GPC6: variants seen among roughly 807,000 people sequenced by gnomAD.
The protein encoded by GPC6 is glypican-6.
In GPC6, 14 loss-of-function variants were observed where a neutral mutation model predicts 55.2. The ratio of observed to expected loss-of-function variants is 0.25; its 90% CI spans 0.17 to 0.40. GPC6 has a LOEUF of 0.40. Ranked by LOEUF, GPC6 falls within the 10% of genes least tolerant of loss-of-function variation. The pLI is 1.00. For synonymous variants in GPC6, 278 were observed against 259.6 expected (o/e 1.07, Z -0.68); for missense variants, 641 against 708.5 (o/e 0.90, Z 1.08).
chr13:94,398,131 G>A (rs1330195358), intron 7 of GPC6, among the ~76,000 whole-genome samples: 1 of 151,734 alleles, frequency 6.6e-6, no homozygotes, highest in Non-Finnish European at 1.5e-5. Flanking sequence ...CCCAGTCTCA[G>A]GTATGTATGT....
chr13:94,341,410 C>T (rs1878027784), intron 6 of GPC6, among the ~76,000 whole-genome samples: 1 of 151,954 alleles, frequency 6.6e-6, no homozygotes, highest in South Asian at 2.1e-4. Context: ...CATGGTGAAA[C>T]CCTGTCTCTA....
chr13:93,729,586 G>T (rs1428661126), intron 2 of GPC6, among the ~76,000 whole-genome samples: 4 of 152,176 alleles, frequency 2.6e-5, no homozygotes, highest in Non-Finnish European at 5.9e-5. Flanking sequence ...AGTTGGCAGG[G>T]TTGAGGAGCA....
intron 1 of GPC6, among the ~76,000 whole-genome samples, chr13:93,482,499 TA>T (rs1879556324): frequency 1.3e-5 from 2 of 152,166 alleles, no homozygotes; most frequent in African/African-American, 4.8e-5. Flanking sequence ...TAGAGGATCC[TA>T]AAATATAGCA....
At chr13:93,652,444 C>A (rs763005563) in intron 2 of GPC6, among the ~76,000 whole-genome samples, 8 of 152,154 alleles carry the variant, frequency 5.3e-5, no homozygotes, top group Non-Finnish European at 8.8e-5. Context: ...ATAACAAGAG[C>A]ATTCCACCAA....
At chr13:94,398,422 C>A in intron 7 of GPC6, 44 bp from the exon 8 acceptor site, 1 of 1,438,298 alleles carries the variant, frequency 7.0e-7, no homozygotes, top group Non-Finnish European at 9.8e-7. Context: ...TTTACAGTTT[C>A]TGTGGCATCT....
chr13:93,567,710 A>G (rs1287343888), intron 2 of GPC6, among the ~76,000 whole-genome samples: 1 of 152,202 alleles, frequency 6.6e-6, no homozygotes, highest in Admixed American at 6.5e-5. Context: ...ATATTTCAGT[A>G]CATTGCTTCT....
Position 93,651,853 on chromosome 13 carries a change from C to T in GPC6, c.319+106432C>T, listed in dbSNP as rs577155104. 7.9e-5 allele frequency among the ~76,000 whole-genome samples: 12 copies of T among 152,230 alleles called. No homozygotes were observed. The South Asian group carries it at 1.0e-3, about 13-fold the overall frequency. On this transcript the variant is annotated intron_variant, in intron 2 of 8. Coordinates refer to ENST00000377047, the MANE Select transcript of GPC6 (RefSeq NM_005708.5). ...CACCTGGGGAGCCGTTAACAAACAC[C>T]GACGTCCATATTCCACTCCAGACCA...
intron 2 of GPC6, among the ~76,000 whole-genome samples, chr13:93,823,953 C>T (rs1887142868): frequency 6.6e-6 from 1 of 152,036 alleles, no homozygotes; most frequent in South Asian, 2.1e-4. Flanking sequence ...GCAGAAGTGG[C>T]AAATCCCAAA....
At chr13:93,546,763 A>G (rs1874810185) in intron 2 of GPC6, among the ~76,000 whole-genome samples, 1 of 152,188 alleles carries the variant, frequency 6.6e-6, no homozygotes, top group African/African-American at 2.4e-5. Context: ...TTCAAGCTAC[A>G]GCAATTTGAG....
intron 1 of GPC6, among the ~76,000 whole-genome samples, chr13:93,422,739 A>G (rs1187053551): frequency 6.6e-6 from 1 of 152,208 alleles, no homozygotes; most frequent in Non-Finnish European, 1.5e-5. Flanking sequence ...TTACAGTAGA[A>G]TAATATCACT....
At chr13:94,195,681 G>A (rs978796385) in intron 4 of GPC6, among the ~76,000 whole-genome samples, 1 of 152,228 alleles carries the variant, frequency 6.6e-6, no homozygotes, top group Non-Finnish European at 1.5e-5. Flanking sequence ...CCTGGAAGAT[G>A]TAGTAAGAGC....
chr13:94,339,851 A>G (rs1877938788), intron 6 of GPC6, among the ~76,000 whole-genome samples: 1 of 140,492 alleles, frequency 7.1e-6, no homozygotes, highest in African/African-American at 2.7e-5. Context: ...TCAACCTCCA[A>G]CTTCCGGGTT....
chr13:94,379,541 C>A (rs756177981), intron 6 of GPC6, among the ~76,000 whole-genome samples: 1 of 152,198 alleles, frequency 6.6e-6, no homozygotes, highest in African/African-American at 2.4e-5. Context: ...TCTCCCACCC[C>A]TCTTGGGACG....
At chr13:93,600,965 A>G (rs1336134244) in intron 2 of GPC6, among the ~76,000 whole-genome samples, 5 of 150,178 alleles carry the variant, frequency 3.3e-5, no homozygotes, top group Non-Finnish European at 1.5e-5. Flanking sequence ...AAAAAAAAAA[A>G]AGAAAAAAAA....
chr13:94,151,192 C>T (rs548161132), intron 4 of GPC6, among the ~76,000 whole-genome samples: 4 of 152,020 alleles, frequency 2.6e-5, no homozygotes, highest in African/African-American at 7.2e-5. Context: ...GACTTTTTTA[C>T]ACCTAGAATA....
intron 4 of GPC6, among the ~76,000 whole-genome samples, chr13:94,086,855 T>C (rs1885300886): frequency 6.6e-6 from 1 of 152,216 alleles, no homozygotes; most frequent in Non-Finnish European, 1.5e-5. Flanking sequence ...AACACAGTTT[T>C]TCTCGTGAAC....
intron 2 of GPC6, among the ~76,000 whole-genome samples, chr13:93,700,977 G>T (rs1181538362): frequency 6.6e-6 from 1 of 152,010 alleles, no homozygotes; most frequent in Non-Finnish European, 1.5e-5. Flanking sequence ...AAAGTTTTTT[G>T]CAGAGATCAA....
chr13:93,390,236 G>C (rs1027767116), intron 1 of GPC6, among the ~76,000 whole-genome samples: 1 of 151,902 alleles, frequency 6.6e-6, no homozygotes, highest in Non-Finnish European at 1.5e-5. Context: ...TTGTAGGATT[G>C]AGTAAAGATT....
At position 93,928,561 on chromosome 13, in the gene GPC6, A is replaced by G. The variant is rs189187296; in HGVS notation, c.711+98016A>G. On this transcript the variant is annotated intron_variant, in intron 3 of 8. Transcript: ENST00000377047. The stretch of plus-strand genomic sequence containing the variant: ...CTTAGCCACAGAAGTAAGGAAAATA[A>G]GGGGAAAAGACCTTCAAACCTTCAT... 4.6e-5 allele frequency among the ~76,000 whole-genome samples: 7 copies of G among 152,244 alleles called. No homozygotes were observed. In the East Asian group the frequency reaches 1.2e-3, roughly 25 times the overall value.
Sources: allele counts gnomAD v4.1 joint callset (sites outside exome capture counted in the v4.1 genomes callset), GRCh38; gene constraint gnomAD v4.1.1; transcripts MANE v1.5; gene names NCBI Gene and HGNC (gene_info 2026-07-23, HGNC 2026-07-21).